Variants in SPRTN observed in about 807,000 individuals in gnomAD.
SPRTN encodes the protein DNA-dependent metalloprotease SPRTN.
SPRTN carries 11 observed loss-of-function variants against 31.9 expected under a neutral mutation model. That is an observed-to-expected ratio of 0.34 (90% CI 0.22 to 0.57). The LOEUF (loss-of-function observed/expected upper bound fraction) is 0.57. SPRTN is among the 20% of genes least tolerant of loss of function. The pLI, the probability that SPRTN is intolerant of heterozygous loss-of-function variation, is 0.86. For missense variants in SPRTN, 482 were observed against 590.1 expected (o/e 0.82, Z 1.90); for synonymous variants, 185 against 212.1 (o/e 0.87, Z 1.11).
rs117298595 is a variant in SPRTN, at chr1:231,340,889, T to C, written c.321+1021T>C. 7.3e-3 allele frequency among the ~76,000 whole-genome samples: 1,106 copies of C among 151,858 alleles called. 7 individuals carry two copies. The highest frequency in any genetic ancestry group is 0.011 in the South Asian group (52 of 4,816). ...AAGCATGTTAAAACATGCTTGGAGA[T>C]GAGAGATGCTGTTTTTAAGGATAAT... On this transcript the variant is annotated intron_variant, in intron 2 of 4. Coordinates refer to ENST00000295050, the MANE Select transcript of SPRTN (RefSeq NM_032018.7).
At chr1:231,341,935 G>A (rs1179676440) in intron 2 of SPRTN, among the ~76,000 whole-genome samples, 8 of 151,730 alleles carry the variant, frequency 5.3e-5, no homozygotes, top group South Asian at 4.2e-4. Context: ...ACAGTGAGCC[G>A]AGATCACACC....
In SPRTN at chr1:231,354,420, AG is replaced by A; in HGVS notation, c.*1061del. ...ATTTTCCTTCACTTTGTTGTAATAC[AG>A]GTGCACAAATCTTAAGTGCACAGCT... On this transcript the variant is annotated 3_prime_UTR_variant, in exon 5 of 5. Transcript: ENST00000295050. 1 of 982,084 alleles carries A rather than the reference AG, an allele frequency of 1.0e-6. No homozygotes were observed. Among genetic ancestry groups the A allele is most frequent in the Non-Finnish European group, 1.2e-6 (1 of 826,884 alleles). 60.8% of individuals were successfully genotyped at this position (982,084 alleles called of 1,614,324 possible).
intron 4 of SPRTN, chr1:231,352,235 G>A (rs1389076075): frequency 1.4e-5 from 14 of 1,002,254 alleles, no homozygotes; most frequent in Non-Finnish European, 1.5e-5. Context: ...GAATTGATAT[G>A]GAAAGACCGT....
intron 2 of SPRTN, among the ~76,000 whole-genome samples, chr1:231,343,316 T>C (rs1686957856): frequency 6.6e-6 from 1 of 152,018 alleles, no homozygotes; most frequent in South Asian, 2.1e-4. Flanking sequence ...CTCTATAGCC[T>C]AGGTGTGTGT....
Position 231,338,602 on chromosome 1 carries a change from C to T in SPRTN, c.219C>T (p.Thr73=), listed in dbSNP as rs1686763234. ...AGGTGAAGTGGAGCGTGCGAATGAC[C>T]CTGTGAGTTCCGAGCCCCGCTGGGG... ...AVEVKWSVRM[T]LCAGICSYEG... Residue 73 remains threonine, a splice_region_variant and synonymous_variant, in exon 1 of 5, where the codon ACC becomes ACT. Transcript: ENST00000295050. The T allele has an allele frequency of 2.5e-6, 4 of 1,614,036 alleles. No individual in the cohort carries two copies. The highest frequency in any genetic ancestry group is 2.2e-5 in the East Asian group (1 of 44,900).
chr1:231,341,223 G>C (rs1436272197), intron 2 of SPRTN, among the ~76,000 whole-genome samples: 2 of 151,580 alleles, frequency 1.3e-5, no homozygotes, highest in Non-Finnish European at 2.9e-5. Flanking sequence ...CTTATTTTAA[G>C]TTTAAAAGGA....
chr1:231,348,268 T>C (rs1379984022), intron 3 of SPRTN, among the ~76,000 whole-genome samples: 4 of 152,214 alleles, frequency 2.6e-5, no homozygotes, highest in African/African-American at 9.6e-5. Context: ...CCATTGCAGA[T>C]GTCATTCCCT....
chr1:231,351,906 G>A, intron 4 of SPRTN: 1 of 1,019,890 alleles, frequency 9.8e-7, no homozygotes, highest in Non-Finnish European at 1.2e-6. Context: ...GACTCACTGA[G>A]TTATTAGGAA....
rs1441029564 is a variant in SPRTN at position 231,354,875 on chromosome 1, C to T, written c.*1514C>T. 5.5e-6 allele frequency: 2 copies of T among 364,000 alleles called. No individual in the cohort carries two copies. The highest frequency in any genetic ancestry group is 7.6e-6 in the Non-Finnish European group (2 of 262,342). The allele number at this position is 364,000 out of a possible 1,614,324, so 22.5% of individuals were successfully genotyped here. A position where few individuals can be genotyped will look rare whatever the true frequency, so the allele number is the denominator to read the frequency against. On this transcript the variant is annotated 3_prime_UTR_variant, in exon 5 of 5. Transcript: ENST00000295050. The stretch of plus-strand genomic sequence containing the variant: ...AGCTTTAGTAAATTCTGCCAGTTTA[C>T]ACTCCTACCAGCAATGTATGAGAGT...
In SPRTN at chr1:231,339,775, TG is replaced by T; in HGVS notation, c.231del (p.Ile78TyrfsTer20). 6.2e-7 allele frequency: 1 copy of T among 1,614,178 alleles called. No homozygotes were observed. The highest frequency in any genetic ancestry group is 8.5e-7 in the Non-Finnish European group (1 of 1,180,022). ...TATGGTGATTGTTTTCTAGGTGTGC[TG>T]GGATATGCAGCTATGAAGGGAAGGG... The part of the protein sequence containing the change: ...KWSVRMTLCA[G>X]ICSYEGKGGM... On this transcript the variant is annotated frameshift_variant, in exon 2 of 5. Coordinates refer to ENST00000295050, the MANE Select transcript of SPRTN (RefSeq NM_032018.7). LOFTEE classifies it high-confidence loss of function.
intron 3 of SPRTN, 84 bp downstream of exon 3, chr1:231,348,009 GT>G: frequency 6.6e-7 from 1 of 1,518,492 alleles, no homozygotes; most frequent in Non-Finnish European, 8.8e-7. Context: ...AGAGAACTAG[GT>G]AGAAACAAGT....
intron 2 of SPRTN, chr1:231,344,661 A>G: frequency 3.4e-6 from 1 of 290,252 alleles, no homozygotes; most frequent in South Asian, 3.2e-5. Flanking sequence ...ATGACAGTCT[A>G]GTTCTTCTGA....
At chr1:231,351,192 A>G (rs1389002202) in intron 3 of SPRTN, 112 bp from the exon 4 acceptor site, 2 of 1,180,640 alleles carry the variant, frequency 1.7e-6, no homozygotes, top group Non-Finnish European at 2.1e-6. Flanking sequence ...AGCTCTGGGA[A>G]AGTTTCAAAA....
chr1:231,346,964 T>G (rs140252074), intron 2 of SPRTN, among the ~76,000 whole-genome samples: 116 of 151,890 alleles, frequency 7.6e-4, no homozygotes, highest in Middle Eastern at 3.4e-3. Flanking sequence ...ATTTTAAAGT[T>G]TTTATGTAGT....
rs1558370000 is a variant in SPRTN at position 231,353,879 on chromosome 1, A to T, written c.*518A>T. 1 of 947,742 alleles carries T rather than the reference A, an allele frequency of 1.1e-6. No individual in the cohort carries two copies. Among genetic ancestry groups the T allele is most frequent in the African/African-American group, 1.8e-5 (1 of 56,444 alleles). 58.7% of individuals were successfully genotyped at this position (947,742 alleles called of 1,614,324 possible). ...ATTTATTAATTTTTTTGTTTGCAAA[A>T]TCTTAACAGGAACTGTATTTTCTAT... On this transcript the variant is annotated 3_prime_UTR_variant, in exon 5 of 5. Transcript: ENST00000295050.
chr1:231,342,739 A>AT lies in SPRTN; in HGVS notation c.321+2874dup, dbSNP rs200493096. Among the ~76,000 whole-genome samples the AT allele has an allele frequency of 3.2e-3, 424 of 130,666 alleles. 4 individuals carry two copies. Among genetic ancestry groups the AT allele is most frequent in the African/African-American group, 9.8e-3 (341 of 34,824 alleles). The allele number at this position is 130,666 out of a possible 152,430, so 85.7% of individuals were successfully genotyped here. ...ACCATGCCCGGCCAGGACTATATTT[A>AT]TTTATTTTTTTTTTGAGATGGAGTC... On this transcript the variant is annotated intron_variant, in intron 2 of 4. Transcript: ENST00000295050.
chr1:231,352,602 T>C lies in SPRTN; in HGVS notation c.719-8T>C. ...CTTACATAACAATCTTCTTTGCTTTTTTGGCAGATAAACCCAACAGAGGTG... is the reference window on the plus strand; with the variant it reads ...CTTACATAACAATCTTCTTTGCTTTCTTGGCAGATAAACCCAACAGAGGTG... On this transcript the variant is annotated splice_polypyrimidine_tract_variant and splice_region_variant and intron_variant, in intron 4 of 4. Transcript: ENST00000295050. 6.4e-7 allele frequency: 1 copy of C among 1,550,894 alleles called. No individual in the cohort carries two copies. The highest frequency in any genetic ancestry group is 1.2e-5 in the South Asian group (1 of 80,456).
rs889298741 is a variant in SPRTN at position 231,352,435 on chromosome 1, G to A, written c.719-175G>A. 1.7e-5 allele frequency: 22 copies of A among 1,300,056 alleles called. No homozygotes were observed. The African/African-American group carries it at 3.2e-4, about 19-fold the overall frequency. 80.5% of individuals were successfully genotyped at this position (1,300,056 alleles called of 1,614,324 possible). A position where few individuals can be genotyped will look rare whatever the true frequency, so the allele number is the denominator to read the frequency against. On this transcript the variant is annotated intron_variant, in intron 4 of 4. Coordinates refer to ENST00000295050, the MANE Select transcript of SPRTN (RefSeq NM_032018.7). ...TATCCTTTATATTCTCTCAATATCA[G>A]AACTCCTGAATTCTGAAGATTGCCC...
intron 2 of SPRTN, among the ~76,000 whole-genome samples, chr1:231,346,774 C>T (rs1490004015): frequency 6.6e-6 from 1 of 152,054 alleles, no homozygotes; most frequent in East Asian, 1.9e-4. Context: ...CAAACCCCAT[C>T]TCTACTAAAA....
Sources: allele counts gnomAD v4.1 joint callset (sites outside exome capture counted in the v4.1 genomes callset), GRCh38; gene constraint gnomAD v4.1.1; transcripts MANE v1.5; gene names NCBI Gene and HGNC (gene_info 2026-07-23, HGNC 2026-07-21).